Variants in FSTL4 observed in about 807,000 individuals in gnomAD.
FSTL4 encodes the protein follistatin like 4, also known as follistatin-related protein 4.
FSTL4 carries 28 observed loss-of-function variants against 78.2 expected under a neutral mutation model. The observed-to-expected ratio is 0.36, with a 90% CI of 0.27 to 0.49. The LOEUF (loss-of-function observed/expected upper bound fraction) is 0.49, where lower values mean the gene tolerates loss of function less well. Among genes scored for constraint, FSTL4 ranks in the 20% least tolerant of loss-of-function variants. The pLI is 0.98. For synonymous variants in FSTL4, 422 were observed against 440.5 expected, an observed-to-expected ratio of 0.96 and a Z score of 0.53; for missense variants, 922 against 1,084.9, an observed-to-expected ratio of 0.85 and a Z score of 2.11.
intron 3 of FSTL4, among the ~76,000 whole-genome samples, chr5:133,481,973 G>A (rs2052811529): frequency 6.6e-6 from 1 of 152,214 alleles, no homozygotes. Context: ...TTGAGAAGGA[G>A]GGAAGGAGCA....
intron 3 of FSTL4, among the ~76,000 whole-genome samples, chr5:133,470,942 G>T (rs1580730213): frequency 6.6e-6 from 1 of 152,102 alleles, no homozygotes; most frequent in East Asian, 1.9e-4. Flanking sequence ...AGAAAATATT[G>T]ATACAGGAGG....
At chr5:133,683,258 C>T in the FSTL4 span, among the ~76,000 whole-genome samples, 1 of 152,196 alleles carries the variant, frequency 6.6e-6, no homozygotes, top group South Asian at 2.1e-4. Context: ...ACAGTTACAT[C>T]TGCCATCCCC....
At chr5:133,644,755 C>A in the FSTL4 span, among the ~76,000 whole-genome samples, 15 of 152,128 alleles carry the variant, frequency 9.9e-5, no homozygotes, top group Non-Finnish European at 1.5e-5. Flanking sequence ...CTGCCCTCTA[C>A]CTGGGTCTGT....
intron 2 of FSTL4, among the ~76,000 whole-genome samples, chr5:133,580,420 G>A (rs1269082869): frequency 6.6e-6 from 1 of 152,122 alleles, no homozygotes; most frequent in Non-Finnish European, 1.5e-5. Context: ...TATTGTCCTG[G>A]AGATGTAGCA....
At chr5:133,662,027 G>C in the FSTL4 span, among the ~76,000 whole-genome samples, 2 of 152,260 alleles carry the variant, frequency 1.3e-5, no homozygotes, top group African/African-American at 4.8e-5. Flanking sequence ...ATATATGCTT[G>C]ATTATATTTA....
At chr5:133,672,177 G>A in the FSTL4 span, among the ~76,000 whole-genome samples, 4 of 152,232 alleles carry the variant, frequency 2.6e-5, no homozygotes, top group Admixed American at 2.6e-4. Context: ...TGCTTTGGAC[G>A]ATAAAACTCA....
intron 4 of FSTL4, among the ~76,000 whole-genome samples, chr5:133,343,477 C>G (rs1435354563): frequency 6.6e-6 from 1 of 152,202 alleles, no homozygotes; most frequent in Non-Finnish European, 1.5e-5. Flanking sequence ...GAGGACTTTT[C>G]AAAACACTGC....
intron 7 of FSTL4, among the ~76,000 whole-genome samples, chr5:133,240,961 G>A (rs1397754604): frequency 1.3e-5 from 2 of 152,192 alleles, no homozygotes; most frequent in African/African-American, 4.8e-5. Context: ...CTTTGGGCCA[G>A]GTGGTACCAG....
the FSTL4 span, among the ~76,000 whole-genome samples, chr5:133,669,835 C>T: frequency 6.6e-6 from 1 of 152,200 alleles, no homozygotes; most frequent in African/African-American, 2.4e-5. Flanking sequence ...GCTAACCTCC[C>T]CGCACTGCAA....
At chr5:133,770,218 T>C in the FSTL4 span, among the ~76,000 whole-genome samples, 1 of 152,160 alleles carries the variant, frequency 6.6e-6, no homozygotes. Context: ...ATCATTTTAA[T>C]ATAATTATTT....
chr5:133,567,235 G>C lies in FSTL4; in HGVS notation c.127-16C>G, dbSNP rs994202191. The C allele has an allele frequency of 1.6e-5, 26 of 1,598,798 alleles. No individual in the cohort carries two copies. Among genetic ancestry groups the C allele is most frequent in the Non-Finnish European group, 2.1e-5 (25 of 1,166,316 alleles). ...TTCTGGGCTCCTGCAAGAAAAGAAA[G>C]ACTTTGTGTTTTCTGAAGAATAATT... On this transcript the variant is annotated splice_polypyrimidine_tract_variant and intron_variant, in intron 2 of 15. Coordinates refer to ENST00000265342, the MANE Select transcript of FSTL4 (RefSeq NM_015082.2).
At chr5:133,721,583 A>G in the FSTL4 span, among the ~76,000 whole-genome samples, 1 of 151,962 alleles carries the variant, frequency 6.6e-6, no homozygotes, top group South Asian at 2.1e-4. Context: ...TTTTTCCTTT[A>G]GCACTTTGAA....
chr5:133,680,188 A>C, the FSTL4 span, among the ~76,000 whole-genome samples: 4 of 152,148 alleles, frequency 2.6e-5, no homozygotes, highest in African/African-American at 9.7e-5. Flanking sequence ...TCACTCATTA[A>C]TTCATACTTT....
rs760197862 is a variant in FSTL4 at position 133,201,983 on chromosome 5, T to A, written c.1776A>T (p.Gly592=). The A allele has an allele frequency of 6.2e-7, 1 of 1,612,244 alleles. No homozygotes were observed. The highest frequency in any genetic ancestry group is 8.5e-7 in the Non-Finnish European group (1 of 1,178,948). ...TTGGGGGAATGAAGAAATCATCCAC[T>A]CCTGCAAAGGGTGTGCGGATGAGGT... is the stretch of plus-strand genomic sequence containing the variant. ...SQHLIRTPFA[G]VDDFFIPPTN... Residue 592 remains glycine, a synonymous_variant, in exon 15 of 16, where the codon GGA becomes GGT. Coordinates refer to ENST00000265342, the MANE Select transcript of FSTL4 (RefSeq NM_015082.2).
intron 1 of FSTL4, 87 bp from the exon 2 acceptor site, chr5:133,604,080 T>C: frequency 1.0e-6 from 1 of 968,444 alleles, no homozygotes; most frequent in Non-Finnish European, 1.6e-6. Context: ...TTCCCCAGAA[T>C]CAGATAAGCC....
Position 133,481,218 on chromosome 5 carries a change from T to A in FSTL4, c.161-80232A>T, listed in dbSNP as rs188773483. 2.6e-5 allele frequency among the ~76,000 whole-genome samples: 4 copies of A among 152,258 alleles called. No homozygotes were observed. In the East Asian group the frequency reaches 7.7e-4, roughly 29 times the overall value. On this transcript the variant is annotated intron_variant, in intron 3 of 15. Transcript: ENST00000265342. ...GGTTGGCGTTAATCTGGATTGCAAG[T>A]TTTATTTCTGAGACTGATCATTCAA...
chr5:133,786,618 G>A, the FSTL4 span, among the ~76,000 whole-genome samples: 3 of 152,218 alleles, frequency 2.0e-5, no homozygotes, highest in Non-Finnish European at 4.4e-5. Context: ...ACACCCAGGG[G>A]AGAGGGATGC....
At chr5:133,331,591 G>T (rs191917474) in intron 4 of FSTL4, among the ~76,000 whole-genome samples, 1 of 152,130 alleles carries the variant, frequency 6.6e-6, no homozygotes, top group Non-Finnish European at 1.5e-5. Context: ...CCGGCGATAC[G>T]TGCTCTTACA....
chr5:133,768,035 T>C, the FSTL4 span, among the ~76,000 whole-genome samples: 1 of 152,122 alleles, frequency 6.6e-6, no homozygotes, highest in African/African-American at 2.4e-5. Flanking sequence ...ATATTTATGC[T>C]GATGGAAGAG....
Sources: allele counts gnomAD v4.1 joint callset (sites outside exome capture counted in the v4.1 genomes callset), GRCh38; gene constraint gnomAD v4.1.1; transcripts MANE v1.5; gene names NCBI Gene and HGNC (gene_info 2026-07-23, HGNC 2026-07-21).